The following ADSS2 variants were observed in gnomAD, a reference collection of about 807,000 sequenced individuals.
ADSS2 encodes the protein adenylosuccinate synthetase isozyme 2.
Under a neutral mutation model 60.0 loss-of-function variants are expected in ADSS2, and 30 were observed. The ratio of observed to expected loss-of-function variants is 0.50; its 90% CI spans 0.37 to 0.68. ADSS2 has a LOEUF of 0.68. ADSS2 is among the 30% of genes least tolerant of loss of function. The pLI is 0.00. For missense variants in ADSS2, 373 were observed against 554.8 expected (o/e 0.67, Z 3.29); for synonymous variants, 187 against 193.1 (o/e 0.97, Z 0.26).
chr1:244,411,103 C>G (rs1664402800), intron 12 of ADSS2, among the ~76,000 whole-genome samples, 184 bp downstream of exon 12: 1 of 152,042 alleles, frequency 6.6e-6, no homozygotes, highest in Non-Finnish European at 1.5e-5. Context: ...CACCTCTAAT[C>G]CCAGCTACTC....
intron 4 of ADSS2, among the ~76,000 whole-genome samples, chr1:244,428,159 G>A (rs1428720364): frequency 1.3e-5 from 2 of 152,116 alleles, no homozygotes; most frequent in African/African-American, 4.8e-5. Flanking sequence ...CTCAACAAGA[G>A]CAGAGCACAT....
intron 7 of ADSS2, among the ~76,000 whole-genome samples, chr1:244,422,210 T>C (rs889790458): frequency 2.6e-5 from 4 of 152,170 alleles, no homozygotes; most frequent in Admixed American, 2.0e-4. Context: ...TTGATACTTA[T>C]CTATAGATGA....
chr1:244,425,160 C>T (rs955003561), intron 4 of ADSS2, among the ~76,000 whole-genome samples: 5 of 152,242 alleles, frequency 3.3e-5, no homozygotes, highest in Non-Finnish European at 5.9e-5. Context: ...AGTTGATTTC[C>T]GGTGCAAACA....
chr1:244,437,190 G>T (rs889788264), intron 2 of ADSS2, among the ~76,000 whole-genome samples: 1 of 152,136 alleles, frequency 6.6e-6, no homozygotes, highest in Non-Finnish European at 1.5e-5. Context: ...TATCTTTCAA[G>T]TTGGGGAATC....
At chr1:244,412,319 G>A (rs754922551) in intron 11 of ADSS2, among the ~76,000 whole-genome samples, 3 of 152,134 alleles carry the variant, frequency 2.0e-5, no homozygotes, top group East Asian at 1.9e-4. Flanking sequence ...GAGCTAACCC[G>A]CCTATGTGCA....
In ADSS2 at chr1:244,424,040, C is replaced by T; in HGVS notation, c.494G>A (p.Gly165Asp). 6.2e-7 allele frequency: 1 copy of T among 1,612,134 alleles called. No homozygotes were observed. Among genetic ancestry groups the T allele is most frequent in the Non-Finnish European group, 8.5e-7 (1 of 1,179,404 alleles). ...TTTGGACGAATAAACTGGGCCAATG[C>T]CCTTTTTTGTTGTACCCAAACTTAA... The part of the protein sequence containing the change: ...AGKNLGTTKK[G>D]IGPVYSSKAA... Residue 165 changes from glycine (G) to aspartate (D), a missense_variant, in exon 6 of 13, where the codon GGC (glycine) becomes GAC (aspartate). Transcript: ENST00000366535.
chr1:244,421,121 T>C (rs924901344), intron 7 of ADSS2, among the ~76,000 whole-genome samples: 6 of 152,200 alleles, frequency 3.9e-5, no homozygotes, highest in Admixed American at 3.3e-4. Context: ...TTAAATTTTA[T>C]CCTATTACTG....
intron 1 of ADSS2, among the ~76,000 whole-genome samples, chr1:244,442,762 T>C (rs1034643689): frequency 1.3e-5 from 2 of 152,144 alleles, no homozygotes; most frequent in Admixed American, 1.3e-4. Flanking sequence ...TTTTATAAAA[T>C]GCAACAGATA....
In ADSS2 at chr1:244,436,881, AC is replaced by A; in HGVS notation, c.298del (p.Val100Ter). The A allele has an allele frequency of 6.2e-7, 1 of 1,611,928 alleles. No homozygotes were observed. Among genetic ancestry groups the A allele is most frequent in the Non-Finnish European group, 8.5e-7 (1 of 1,178,978 alleles). Reference sequence around the variant, plus strand: ...TTCAAACAATCCAGGTAGATGAATTACCACACCATTTCCTAAAGGAAAACCA... The same window carrying A: ...TTCAAACAATCCAGGTAGATGAATTACACACCATTTCCTAAAGGAAAACCA... ...NVTAFIGNGV[V>X]IHLPGLFEEA... On this transcript the variant is annotated frameshift_variant, in exon 3 of 13. Transcript: ENST00000366535. LOFTEE classifies it high-confidence loss of function.
intron 4 of ADSS2, among the ~76,000 whole-genome samples, chr1:244,426,279 G>C (rs1664801567): frequency 6.6e-6 from 1 of 152,112 alleles, no homozygotes; most frequent in South Asian, 2.1e-4. Flanking sequence ...CTCAAAGAAA[G>C]TAAAAAAGCA....
chr1:244,446,622 T>C (rs967715188), intron 1 of ADSS2, among the ~76,000 whole-genome samples: 1 of 151,790 alleles, frequency 6.6e-6, no homozygotes, highest in Admixed American at 6.6e-5. Context: ...AAATAACTTC[T>C]CACAATGAAA....
At chr1:244,414,711 C>T (rs894851650) in intron 11 of ADSS2, among the ~76,000 whole-genome samples, 5 of 152,214 alleles carry the variant, frequency 3.3e-5, no homozygotes, top group African/African-American at 4.8e-5. Flanking sequence ...TCTTTAAGCA[C>T]TCTCTGCTGC....
chr1:244,411,471 C>T (rs371525002), intron 11 of ADSS2, 35 bp from the exon 12 acceptor site: 5 of 1,586,246 alleles, frequency 3.2e-6, no homozygotes, highest in Admixed American at 1.9e-5. Flanking sequence ...TCATGGCACA[C>T]ACTGTTTACT....
chr1:244,410,787 A>G (rs368695266), intron 12 of ADSS2, among the ~76,000 whole-genome samples: 3 of 152,340 alleles, frequency 2.0e-5, no homozygotes, highest in African/African-American at 7.2e-5. Context: ...ATTATCTTCT[A>G]TTTAAAGATG....
At chr1:244,450,325 A>T (rs1665510693) in intron 1 of ADSS2, among the ~76,000 whole-genome samples, 1 of 152,218 alleles carries the variant, frequency 6.6e-6, no homozygotes, top group Non-Finnish European at 1.5e-5. Flanking sequence ...GAAGGGAAGG[A>T]GGGAGAGGTG....
chr1:244,451,397 C>A lies in ADSS2; in HGVS notation c.183+238G>T, dbSNP rs1279677366. On this transcript the variant is annotated intron_variant, in intron 1 of 12. Coordinates refer to ENST00000366535, the MANE Select transcript of ADSS2 (RefSeq NM_001126.5). The surrounding 1 kb of genome is among the most constrained non-coding windows in gnomAD (Gnocchi z 6.6). ...TCGCGCATCTCTCAAAGGCTCCCCG[C>A]CAGCCCACCTCTTCCTCCAGGGCCA... Among the ~76,000 whole-genome samples the A allele has an allele frequency of 6.6e-6, 1 of 152,220 alleles. No individual in the cohort carries two copies. The highest frequency in any genetic ancestry group is 2.4e-5 in the African/African-American group (1 of 41,454).
At chr1:244,445,400 G>A (rs1248629266) in intron 1 of ADSS2, among the ~76,000 whole-genome samples, 2 of 152,242 alleles carry the variant, frequency 1.3e-5, no homozygotes, top group Non-Finnish European at 2.9e-5. Flanking sequence ...AAGCATTACT[G>A]CAGGATAGAG....
At chr1:244,425,423 T>C (rs749506760) in intron 4 of ADSS2, among the ~76,000 whole-genome samples, 3 of 152,186 alleles carry the variant, frequency 2.0e-5, no homozygotes, top group Admixed American at 6.5e-5. Flanking sequence ...TTGAAATGTG[T>C]AGATGTTTAA....
chr1:244,414,958 A>G lies in ADSS2; in HGVS notation c.1168+1023T>C, dbSNP rs558836090. ...TTCAACTAGTCCCTCTGCTTCTTTC[A>G]TAAGTGCTACTGCTGAAAGCATTCT... is the stretch of plus-strand genomic sequence containing the variant. On this transcript the variant is annotated intron_variant, in intron 11 of 12. Transcript: ENST00000366535. Among the ~76,000 whole-genome samples the G allele has an allele frequency of 9.2e-5, 14 of 152,208 alleles. 1 individual carries two copies. The highest frequency in any genetic ancestry group is 2.0e-4 in the Admixed American group (3 of 15,276).
Sources: gnomAD v4.1 joint callset for allele counts (sites outside exome capture counted in the v4.1 genomes callset) on GRCh38, gnomAD v4.1.1 for gene constraint, Gnocchi (gnomAD v3.1) non-coding constraint, MANE v1.5 for transcripts, NCBI Gene and HGNC (gene_info 2026-07-23, HGNC 2026-07-21) for gene names.